The following CACNG4 variants were observed in gnomAD, a reference collection of about 807,000 sequenced individuals.
CACNG4 encodes calcium voltage-gated channel auxiliary subunit gamma 4.
In CACNG4, 8 loss-of-function variants were observed where a neutral mutation model predicts 22.9. That is an observed-to-expected ratio of 0.35 (90% CI 0.21 to 0.63). CACNG4 has a LOEUF of 0.63. Ranked by LOEUF, CACNG4 falls within the 30% of genes least tolerant of loss-of-function variation. CACNG4 has a pLI of 0.72. For synonymous variants in CACNG4, 188 were observed against 191.9 expected, an observed-to-expected ratio of 0.98 and a Z score of 0.17; for missense variants, 357 against 455.4, an observed-to-expected ratio of 0.78 and a Z score of 1.97.
At chr17:66,983,815 G>C (rs1180009360) in intron 1 of CACNG4, among the ~76,000 whole-genome samples, 1 of 152,186 alleles carries the variant, frequency 6.6e-6, no homozygotes, top group South Asian at 2.1e-4. Flanking sequence ...TGGCATTCAC[G>C]TGGTGACTCC....
chr17:67,005,004 G>A (rs1432293798), intron 1 of CACNG4, among the ~76,000 whole-genome samples: 1 of 152,206 alleles, frequency 6.6e-6, no homozygotes, highest in Admixed American at 6.5e-5. Context: ...GATTACAGTT[G>A]TGAGGCACCC....
intron 1 of CACNG4, among the ~76,000 whole-genome samples, chr17:66,981,020 G>A (rs1217387802): frequency 3.3e-5 from 5 of 152,190 alleles, no homozygotes; most frequent in Non-Finnish European, 5.9e-5. Flanking sequence ...GTGAATACTG[G>A]AGGAAAGGCA....
At chr17:67,011,792 C>T (rs1464928743) in intron 1 of CACNG4, among the ~76,000 whole-genome samples, 1 of 152,052 alleles carries the variant, frequency 6.6e-6, no homozygotes, top group Non-Finnish European at 1.5e-5. Context: ...CTTCTACTTG[C>T]CCTCTTTCCT....
At position 66,965,177 on chromosome 17, in the gene CACNG4, CACACACACAT is replaced by C. The variant is rs1180232318; in HGVS notation, c.220+48_220+57del. The C allele has an allele frequency of 3.5e-5, 39 of 1,127,766 alleles. No homozygotes were observed. The African/African-American group carries it at 5.0e-4, about 14-fold the overall frequency. 69.9% of individuals were successfully genotyped at this position (1,127,766 alleles called of 1,614,324 possible). On this transcript the variant is annotated intron_variant, in intron 1 of 3. Coordinates refer to ENST00000262138, the MANE Select transcript of CACNG4 (RefSeq NM_014405.4). Reference sequence around the variant, plus strand: ...TCGCCGCCCCACACACACACACACACACACACACATATACACACGCGCGCGCGCGCGCGCG... The same window carrying C: ...TCGCCGCCCCACACACACACACACACATACACACGCGCGCGCGCGCGCGCG...
At chr17:67,024,774 G>A (rs1410363537) in intron 2 of CACNG4, 86 bp from the exon 3 acceptor site, 26 of 1,343,226 alleles carry the variant, frequency 1.9e-5, no homozygotes, top group Non-Finnish European at 1.4e-5. Context: ...GGAGCTGCAA[G>A]GTTCCTGGGA....
At chr17:67,000,224 A>G (rs1195303390) in intron 1 of CACNG4, among the ~76,000 whole-genome samples, 3 of 151,912 alleles carry the variant, frequency 2.0e-5, no homozygotes, top group East Asian at 3.9e-4. Context: ...ATAGCTTCCC[A>G]TTAACTTTTA....
At chr17:66,966,812 C>T (rs1157971221) in intron 1 of CACNG4, among the ~76,000 whole-genome samples, 2 of 152,200 alleles carry the variant, frequency 1.3e-5, no homozygotes, top group Non-Finnish European at 2.9e-5. Context: ...CTCATGATCA[C>T]ACCCTCCTCT....
chr17:67,026,312 T>C (rs1169473315), intron 3 of CACNG4, among the ~76,000 whole-genome samples: 1 of 151,568 alleles, frequency 6.6e-6, no homozygotes, highest in Non-Finnish European at 1.5e-5. Flanking sequence ...GTGTGGTGTG[T>C]GTGTGTATTT....
intron 1 of CACNG4, among the ~76,000 whole-genome samples, chr17:66,979,259 C>G (rs1173615391): frequency 6.6e-6 from 1 of 152,184 alleles, no homozygotes; most frequent in African/African-American, 2.4e-5. Context: ...TAATTCTTCC[C>G]CTTTTCCCTT....
At position 66,995,304 on chromosome 17, in the gene CACNG4, C is replaced by T. The variant is rs369197710; in HGVS notation, c.221-22885C>T. ...TATTCCTATGTCTGGATCCAGACCT[C>T]GACTGGGAGGGAAAATGGCTTAATG... On this transcript the variant is annotated intron_variant, in intron 1 of 3. Coordinates refer to ENST00000262138, the MANE Select transcript of CACNG4 (RefSeq NM_014405.4). 2.2e-4 allele frequency among the ~76,000 whole-genome samples: 34 copies of T among 152,138 alleles called. No homozygotes were observed. In the East Asian group the frequency reaches 3.9e-3, roughly 17 times the overall value.
At chr17:66,982,247 T>C (rs1246162798) in intron 1 of CACNG4, among the ~76,000 whole-genome samples, 1 of 152,226 alleles carries the variant, frequency 6.6e-6, no homozygotes, top group Non-Finnish European at 1.5e-5. Flanking sequence ...CCCGCCCATG[T>C]CCTGCTGATT....
At chr17:66,994,987 CAAAG>C (rs2143314753) in intron 1 of CACNG4, among the ~76,000 whole-genome samples, 1 of 152,236 alleles carries the variant, frequency 6.6e-6, no homozygotes, top group South Asian at 2.1e-4. Flanking sequence ...AATTACCTTG[CAAAG>C]AAAGATCCAT....
rs140258800 is a variant in CACNG4 at position 67,013,669 on chromosome 17, G to A, written c.221-4520G>A. ...AAAATACAAAAATTAGCCAGGCTTA[G>A]TGGCATGCACCTGTAGTCCCGGCTA... On this transcript the variant is annotated intron_variant, in intron 1 of 3. Transcript: ENST00000262138. Among the ~76,000 whole-genome samples, 977 of 152,158 alleles carry A rather than the reference G, an allele frequency of 6.4e-3. 7 individuals carry two copies. Among genetic ancestry groups the A allele is most frequent in the African/African-American group, 0.022 (929 of 41,498 alleles).
chr17:66,965,168 A>ACACT, intron 1 of CACNG4, 37 bp downstream of exon 1: 1 of 1,090,110 alleles, frequency 9.2e-7, no homozygotes, highest in Non-Finnish European at 1.3e-6. Context: ...CCCCACACAC[A>ACACT]CACACACACA....
In CACNG4 at chr17:66,971,858, C is replaced by T. The variant is rs185611473; in HGVS notation, c.220+6727C>T. Among the ~76,000 whole-genome samples the T allele has an allele frequency of 2.6e-3, 400 of 152,208 alleles. 3 individuals are homozygous for T. The highest frequency in any genetic ancestry group is 9.3e-3 in the African/African-American group (384 of 41,512). On this transcript the variant is annotated intron_variant, in intron 1 of 3. Transcript: ENST00000262138. ...AAGCCTGCTTTATTTCACATGAGAT[C>T]GGTGCTATTGCAGAACTTCGGGCAA...
At chr17:66,996,497 G>T (rs180936116) in intron 1 of CACNG4, among the ~76,000 whole-genome samples, 1 of 150,766 alleles carries the variant, frequency 6.6e-6, no homozygotes, top group Admixed American at 6.6e-5. Context: ...CTCCCACCTC[G>T]GCCTCCCCAG....
At chr17:66,969,473 T>C (rs2035191167) in intron 1 of CACNG4, among the ~76,000 whole-genome samples, 1 of 152,186 alleles carries the variant, frequency 6.6e-6, no homozygotes, top group Admixed American at 6.5e-5. Flanking sequence ...TGGGTACTAG[T>C]GGGGGAAGTT....
intron 1 of CACNG4, among the ~76,000 whole-genome samples, chr17:66,981,236 C>A (rs1221527126): frequency 6.6e-6 from 1 of 152,174 alleles, no homozygotes; most frequent in African/African-American, 2.4e-5. Flanking sequence ...AGATGCTGAT[C>A]AAGTCCAGCA....
intron 1 of CACNG4, among the ~76,000 whole-genome samples, chr17:66,968,794 C>T (rs1261467398): frequency 7.1e-6 from 1 of 141,794 alleles, no homozygotes; most frequent in East Asian, 2.0e-4. Context: ...TCTCTTCTCT[C>T]CTTTTCTTTC....
Sources: gnomAD v4.1 joint callset for allele counts (sites outside exome capture counted in the v4.1 genomes callset) on GRCh38, gnomAD v4.1.1 for gene constraint, MANE v1.5 for transcripts, NCBI Gene and HGNC (gene_info 2026-07-23, HGNC 2026-07-21) for gene names.